The following CTNNA3 variants were observed in gnomAD, a reference collection of about 807,000 sequenced individuals.
CTNNA3 encodes the protein catenin alpha 3, also known as catenin alpha-3.
A neutral mutation model predicts 95.7 loss-of-function variants in CTNNA3; 76 were observed. The ratio of observed to expected loss-of-function variants is 0.79; its 90% CI spans 0.66 to 0.96. The LOEUF is 0.96. CTNNA3 is among the 40% of genes least tolerant of loss of function. CTNNA3 has a pLI of 0.00. For missense variants in CTNNA3, 1,191 were observed against 1,089.8 expected (o/e 1.09, Z -1.31); for synonymous variants, 431 against 374.4 (o/e 1.15, Z -1.74).
chr10:67,710,007 C>A (rs1377723440), intron 1 of CTNNA3, among the ~76,000 whole-genome samples: 3 of 152,040 alleles, frequency 2.0e-5, no homozygotes, highest in Non-Finnish European at 4.4e-5. Flanking sequence ...CCGTGACAAC[C>A]AAAACTGCCC....
intron 5 of CTNNA3, among the ~76,000 whole-genome samples, chr10:67,225,469 C>A (rs1368023883): frequency 6.6e-6 from 1 of 152,202 alleles, no homozygotes; most frequent in Admixed American, 6.5e-5. Context: ...ACGGAGTCCA[C>A]TGCACCCCGC....
At chr10:66,331,666 C>T (rs1021312329) in intron 12 of CTNNA3, among the ~76,000 whole-genome samples, 2 of 151,834 alleles carry the variant, frequency 1.3e-5, no homozygotes, top group East Asian at 1.9e-4. Context: ...TCTATATCTT[C>T]GTTTTGGTAC....
intron 12 of CTNNA3, among the ~76,000 whole-genome samples, chr10:66,283,501 G>A (rs2091530114): frequency 6.6e-6 from 1 of 151,800 alleles, no homozygotes; most frequent in African/African-American, 2.4e-5. Flanking sequence ...GCCCTGTGAA[G>A]TAACTGCAAG....
Position 66,621,754 on chromosome 10 carries a change from T to G in CTNNA3, c.1312A>C (p.Asn438His), listed in dbSNP as rs1482590647. 1 of 1,611,958 alleles carries G rather than the reference T, an allele frequency of 6.2e-7. No individual in the cohort carries two copies. The highest frequency in any genetic ancestry group is 1.7e-5 in the Admixed American group (1 of 59,802). Reference sequence around the variant, plus strand: ...TTGACAATTTTAATTCCATCTTCATTTGTTGACATGGAACAAGCAAGATTT... The same window carrying G: ...TTGACAATTTTAATTCCATCTTCATGTGTTGACATGGAACAAGCAAGATTT... ...VANLACSMST[N>H]EDGIKIVKIA... Residue 438 changes from asparagine to histidine, a missense_variant, in exon 10 of 18, where the codon AAT becomes CAT. By Grantham distance (68) the Asn-to-His change is moderately conservative. Transcript: ENST00000433211.
chr10:67,741,172 G>C (rs531776191), intron 1 of CTNNA3, among the ~76,000 whole-genome samples: 11 of 150,856 alleles, frequency 7.3e-5, no homozygotes, highest in African/African-American at 1.7e-4. Context: ...CATGGGGAGA[G>C]GGGGGAGAGA....
At chr10:66,479,716 C>T (rs7086768) in intron 11 of CTNNA3, among the ~76,000 whole-genome samples, 14,889 of 151,800 alleles carry the variant, frequency 0.098, 1,860 homozygotes, top group African/African-American at 0.29. Flanking sequence ...GACAAGAGTA[C>T]GGAACCAAGG....
chr10:66,729,607 T>G (rs866825027), intron 9 of CTNNA3, among the ~76,000 whole-genome samples: 2 of 152,150 alleles, frequency 1.3e-5, no homozygotes, highest in African/African-American at 2.4e-5. Flanking sequence ...TGCAAAGGCA[T>G]AAGAATTATA....
At chr10:66,493,612 T>TG (rs1291035511) in intron 11 of CTNNA3, among the ~76,000 whole-genome samples, 1 of 147,054 alleles carries the variant, frequency 6.8e-6, no homozygotes, top group Non-Finnish European at 1.5e-5. Flanking sequence ...TTTTTTTTTT[T>TG]TTTTTTTGAG....
chr10:66,213,098 A>G (rs1299075231), intron 13 of CTNNA3, among the ~76,000 whole-genome samples: 2 of 152,220 alleles, frequency 1.3e-5, no homozygotes, highest in East Asian at 1.9e-4. Flanking sequence ...TACATTTATT[A>G]CAATATCATT....
intron 7 of CTNNA3, among the ~76,000 whole-genome samples, chr10:67,028,477 G>T (rs1853522407): frequency 6.6e-6 from 1 of 151,890 alleles, no homozygotes; most frequent in Admixed American, 6.6e-5. Flanking sequence ...TAGTACTTGA[G>T]AGTGGATGGC....
At chr10:65,922,485 C>T (rs1230491967) in intron 17 of CTNNA3, among the ~76,000 whole-genome samples, 6 of 152,118 alleles carry the variant, frequency 3.9e-5, no homozygotes, top group African/African-American at 1.4e-4. Context: ...CATAACAAAA[C>T]ATTTTTAAAT....
rs1564897173 is a variant in CTNNA3, at chr10:66,360,805, C to CT, written c.1732+18346dup. Among the ~76,000 whole-genome samples the CT allele has an allele frequency of 1.3e-3, 93 of 70,290 alleles. 5 individuals are homozygous for CT. The highest frequency in any genetic ancestry group is 9.3e-3 in the East Asian group (21 of 2,254). The allele number at this position is 70,290 out of a possible 152,430, so 46.1% of individuals were successfully genotyped here. On this transcript the variant is annotated intron_variant, in intron 12 of 17. Transcript: ENST00000433211. ...TCTTTCTTCCTTCCTTCCTTCCTTC[C>CT]TTCCTTCCTTCCTTTCTTTCTTTCT...
chr10:66,982,218 G>A (rs917218433), intron 7 of CTNNA3, among the ~76,000 whole-genome samples: 1 of 152,172 alleles, frequency 6.6e-6, no homozygotes, highest in Non-Finnish European at 1.5e-5. Flanking sequence ...CCCTTTAAGG[G>A]CAGCCAAGAG....
At chr10:66,307,655 AT>A (rs1425348518) in intron 12 of CTNNA3, among the ~76,000 whole-genome samples, 4 of 152,212 alleles carry the variant, frequency 2.6e-5, no homozygotes, top group Non-Finnish European at 4.4e-5. Flanking sequence ...AAAATGGTTG[AT>A]TCTCATTTGC....
rs547929006 is a variant in CTNNA3, at chr10:67,716,870, G to A, written c.-2+46564C>T. 5.3e-5 allele frequency among the ~76,000 whole-genome samples: 8 copies of A among 152,178 alleles called. No individual in the cohort carries two copies. The South Asian group carries it at 1.7e-3, about 32-fold the overall frequency. ...GATTGCTGGGTCAAATGGTATTTCT[G>A]GTTCTAGATCCTTGAGGAATCGCCA... On this transcript the variant is annotated intron_variant, in intron 1 of 17. Coordinates refer to the CTNNA3 transcript ENST00000684154.
At chr10:66,324,215 G>A (rs925762809) in intron 12 of CTNNA3, among the ~76,000 whole-genome samples, 3 of 151,992 alleles carry the variant, frequency 2.0e-5, no homozygotes, top group Non-Finnish European at 4.4e-5. Context: ...AGCTACTTGG[G>A]AGGCTGAGGC....
chr10:67,384,093 T>C (rs761519024), intron 5 of CTNNA3, among the ~76,000 whole-genome samples: 7 of 152,164 alleles, frequency 4.6e-5, no homozygotes, highest in Non-Finnish European at 1.0e-4. Flanking sequence ...ATTACTTATA[T>C]ATGTATATAT....
At chr10:67,690,838 C>A (rs1046459152) in intron 1 of CTNNA3, among the ~76,000 whole-genome samples, 2 of 151,892 alleles carry the variant, frequency 1.3e-5, no homozygotes, top group African/African-American at 4.8e-5. Flanking sequence ...CTTCCTTCAT[C>A]TAGAAAGTCT....
At chr10:67,750,407 C>G (rs1282881288) in intron 1 of CTNNA3, 4 of 1,486,878 alleles carry the variant, frequency 2.7e-6, no homozygotes, top group African/African-American at 1.4e-5. Context: ...AGGATATCGC[C>G]ACATTGACTG....
Sources: allele counts gnomAD v4.1 joint callset (sites outside exome capture counted in the v4.1 genomes callset), GRCh38; gene constraint gnomAD v4.1.1; transcripts MANE v1.5; gene names NCBI Gene and HGNC (gene_info 2026-07-23, HGNC 2026-07-21).